Variants in SYNPR observed in about 807,000 individuals in gnomAD.
SYNPR encodes the protein synaptoporin.
A neutral mutation model predicts 32.9 loss-of-function variants in SYNPR; 23 were observed. The ratio of observed to expected loss-of-function variants is 0.70; its 90% CI spans 0.50 to 0.99. SYNPR has a LOEUF of 0.99. Ranked by LOEUF, SYNPR falls within the 50% of genes least tolerant of loss-of-function variation. The probability of loss-of-function intolerance (pLI) is 0.00; values close to 1 mark genes in which losing one functional copy is unlikely to be tolerated. For missense variants in SYNPR, 318 were observed against 349.3 expected (o/e 0.91, Z 0.71); for synonymous variants, 146 against 135.9 (o/e 1.07, Z -0.52).
intron 2 of SYNPR, among the ~76,000 whole-genome samples, chr3:63,259,067 T>C (rs551016853): frequency 6.6e-6 from 1 of 152,230 alleles, no homozygotes; most frequent in African/African-American, 2.4e-5. Context: ...GCTCTGACAT[T>C]GAGGCAATAA....
chr3:63,538,867 A>C (rs778242512), intron 3 of SYNPR, among the ~76,000 whole-genome samples: 2 of 152,110 alleles, frequency 1.3e-5, no homozygotes, highest in Non-Finnish European at 2.9e-5. Context: ...TTCAATATGA[A>C]TCTCACACAT....
chr3:63,363,901 T>C lies in SYNPR; in HGVS notation c.84+85159T>C, dbSNP rs529797212. 5.9e-5 allele frequency among the ~76,000 whole-genome samples: 9 copies of C among 152,320 alleles called. No homozygotes were observed. The East Asian group carries it at 1.2e-3, about 20-fold the overall frequency. ...CCAAAAGGATTCATTGCTTGCATAA[T>C]TATAAAATTGTGCATGATAATGAGG... On this transcript the variant is annotated intron_variant, in intron 2 of 5. Coordinates refer to ENST00000478300, the MANE Select transcript of SYNPR (RefSeq NM_001130003.2).
At chr3:63,609,951 A>G (rs1460895498) in intron 5 of SYNPR, among the ~76,000 whole-genome samples, 1 of 152,176 alleles carries the variant, frequency 6.6e-6, no homozygotes, top group African/African-American at 2.4e-5. Flanking sequence ...GGTTGAAGTC[A>G]GACAAAAGTT....
chr3:63,535,917 CA>C (rs967655155), intron 3 of SYNPR, among the ~76,000 whole-genome samples: 12 of 151,638 alleles, frequency 7.9e-5, no homozygotes, highest in African/African-American at 2.9e-4. Context: ...TAGACAACCA[CA>C]AAAAAATAGA....
chr3:63,377,832 G>A (rs970066848), intron 2 of SYNPR, among the ~76,000 whole-genome samples: 5 of 151,844 alleles, frequency 3.3e-5, no homozygotes, highest in African/African-American at 9.7e-5. Flanking sequence ...GGAGAGTATA[G>A]GAAATTTAGC....
At chr3:63,229,124 C>T (rs891625946) in intron 1 of SYNPR, among the ~76,000 whole-genome samples, 2 of 152,068 alleles carry the variant, frequency 1.3e-5, no homozygotes, top group African/African-American at 4.8e-5. Flanking sequence ...CTGATATGAC[C>T]ACTGATAGAT....
intron 2 of SYNPR, among the ~76,000 whole-genome samples, chr3:63,298,027 G>A (rs149166669): frequency 6.6e-6 from 1 of 152,218 alleles, no homozygotes; most frequent in East Asian, 1.9e-4. Context: ...TAGGAAAGCG[G>A]GCTAGGGAAC....
chr3:63,556,717 G>C lies in SYNPR; in HGVS notation c.384G>C (p.Arg128=), dbSNP rs376819087. 5 of 1,612,974 alleles carry C rather than the reference G, an allele frequency of 3.1e-6. No individual in the cohort carries two copies. In the African/African-American group the frequency reaches 6.7e-5, roughly 22 times the overall value. ...ACATTTTCTTCCAGAACAAATACCG[G>C]GAAAACAACCGGGGCCCACTCATTG... The part of the protein sequence containing the change: ...VVYIFFQNKY[R]ENNRGPLIDF... Residue 128 remains arginine, a synonymous_variant, in exon 4 of 6, where the codon CGG becomes CGC. Transcript: ENST00000478300.
At chr3:63,392,201 T>G (rs1249898725) in intron 2 of SYNPR, among the ~76,000 whole-genome samples, 1 of 152,216 alleles carries the variant, frequency 6.6e-6, no homozygotes, top group Non-Finnish European at 1.5e-5. Context: ...TGTCATGCAT[T>G]AGTATACTCA....
chr3:63,608,428 T>C (rs749875891), intron 4 of SYNPR, among the ~76,000 whole-genome samples: 1 of 152,226 alleles, frequency 6.6e-6, no homozygotes, highest in Non-Finnish European at 1.5e-5. Context: ...GAATACTGTC[T>C]AATATGATTA....
intron 3 of SYNPR, among the ~76,000 whole-genome samples, chr3:63,535,183 G>A (rs1382307855): frequency 6.6e-6 from 1 of 151,848 alleles, no homozygotes; most frequent in Non-Finnish European, 1.5e-5. Flanking sequence ...TTACAGATGT[G>A]GTTAATTACT....
chr3:63,224,884 AC>A (rs1223269265), upstream of SYNPR, among the ~76,000 whole-genome samples: 43 of 152,308 alleles, frequency 2.8e-4, no homozygotes, highest in African/African-American at 7.9e-4. Flanking sequence ...TGCCTGGACG[AC>A]ATAGCATATT....
chr3:63,368,782 G>T (rs539999899), intron 2 of SYNPR, among the ~76,000 whole-genome samples: 7 of 152,164 alleles, frequency 4.6e-5, no homozygotes, highest in Admixed American at 3.3e-4. Flanking sequence ...TTTATTGACA[G>T]TTTTGGAAAG....
intron 3 of SYNPR, among the ~76,000 whole-genome samples, chr3:63,522,247 T>C (rs1049831479): frequency 6.6e-6 from 1 of 152,228 alleles, no homozygotes; most frequent in Non-Finnish European, 1.5e-5. Context: ...CCATCCTCTA[T>C]CGTTCCAGTT....
chr3:63,295,215 G>A (rs1273811131), intron 2 of SYNPR, among the ~76,000 whole-genome samples: 4 of 152,100 alleles, frequency 2.6e-5, no homozygotes, highest in Non-Finnish European at 5.9e-5. Flanking sequence ...GAATGATAAA[G>A]CAGTTGTTAA....
At chr3:63,469,515 C>T (rs1238691463) in intron 2 of SYNPR, among the ~76,000 whole-genome samples, 1 of 152,188 alleles carries the variant, frequency 6.6e-6, no homozygotes, top group Non-Finnish European at 1.5e-5. Context: ...TTCAAAAACA[C>T]TACCATAGGC....
intron 3 of SYNPR, among the ~76,000 whole-genome samples, chr3:63,268,520 ATACTC>A (rs2086509966): frequency 6.6e-6 from 1 of 152,198 alleles, no homozygotes; most frequent in Non-Finnish European, 1.5e-5. Flanking sequence ...AATATATAAT[ATACTC>A]TATTCTTACA....
chr3:63,319,605 T>C (rs897675498), intron 2 of SYNPR, among the ~76,000 whole-genome samples: 1 of 151,834 alleles, frequency 6.6e-6, no homozygotes. Flanking sequence ...CTGTAAGACA[T>C]TGATGAAAGA....
At chr3:63,383,132 T>C (rs1342048557) in intron 2 of SYNPR, among the ~76,000 whole-genome samples, 1 of 152,246 alleles carries the variant, frequency 6.6e-6, no homozygotes, top group East Asian at 1.9e-4. Context: ...TTTGTTTTCT[T>C]ATTCATTGCA....
Sources: gnomAD v4.1 joint callset for allele counts (sites outside exome capture counted in the v4.1 genomes callset) on GRCh38, gnomAD v4.1.1 for gene constraint, MANE v1.5 for transcripts, NCBI Gene and HGNC (gene_info 2026-07-23, HGNC 2026-07-21) for gene names.